The following ZNF705A variants were observed in gnomAD, a reference collection of about 807,000 sequenced individuals.
The protein encoded by ZNF705A is zinc finger protein 705A.
Under a neutral mutation model 16.6 loss-of-function variants are expected in ZNF705A, and 8 were observed. The ratio of observed to expected loss-of-function variants is 0.48; its 90% CI spans 0.28 to 0.87. The LOEUF (loss-of-function observed/expected upper bound fraction) is 0.87, where lower values mean the gene tolerates loss of function less well. Among genes scored for constraint, ZNF705A ranks in the 40% least tolerant of loss-of-function variants. The probability of loss-of-function intolerance (pLI) is 0.10; values close to 1 mark genes in which losing one functional copy is unlikely to be tolerated. For missense variants in ZNF705A, 233 were observed against 359.9 expected (o/e 0.65, Z 2.85); for synonymous variants, 73 against 117.3 (o/e 0.62, Z 2.44).
intron 1 of ZNF705A, 127 bp from the exon 3 acceptor site, chr12:8,174,199 A>C: frequency 6.4e-7 from 1 of 1,570,450 alleles, no homozygotes; most frequent in Non-Finnish European, 8.6e-7. Flanking sequence ...ACTGAGAATG[A>C]ACTGGCTGGA....
At chr12:8,169,108 T>A (rs928354960), upstream of ZNF705A, among the ~76,000 whole-genome samples, 17 of 152,378 alleles carry the variant, frequency 1.1e-4, no homozygotes, top group African/African-American at 2.6e-4. Flanking sequence ...AATTTAATTT[T>A]ATTTTATTGT....
intron 1 of ZNF705A, among the ~76,000 whole-genome samples, chr12:8,158,783 G>A (rs1266705069): frequency 2.0e-5 from 3 of 151,812 alleles, no homozygotes; most frequent in Admixed American, 1.3e-4. Context: ...TCCTTTCCCT[G>A]ACTACTTTTA....
chr12:8,170,196 C>CAAAAAAAAAAA (rs1188328005), upstream of ZNF705A, among the ~76,000 whole-genome samples: 46 of 126,536 alleles, frequency 3.6e-4, 3 homozygotes, highest in African/African-American at 1.7e-3. Flanking sequence ...CCCCCCCCCC[C>CAAAAAAAAAAA]AAAAAAAAAA....
rs1011665615 is a variant in ZNF705A at position 8,163,918 on chromosome 12, G to A, written c.-72+6826G>A. Among the ~76,000 whole-genome samples the A allele has an allele frequency of 5.3e-5, 8 of 151,894 alleles. No individual in the cohort carries two copies. The South Asian group carries it at 6.2e-4, about 12-fold the overall frequency. On this transcript the variant is annotated intron_variant, in intron 1 of 5. Transcript: ENST00000396570. ...AACCCCCTTCTTGTTTTTTTTAACC[G>A]ACTTTGTTGAGCTATGATGACATTT...
intron 1 of ZNF705A, among the ~76,000 whole-genome samples, chr12:8,165,450 A>ATTTTTT (rs57581482): frequency 1.2e-5 from 1 of 81,952 alleles, no homozygotes; most frequent in South Asian, 5.0e-4. Context: ...GCCCAGCTAA[A>ATTTTTT]TTTTTTTTTT....
upstream of ZNF705A, among the ~76,000 whole-genome samples, chr12:8,167,913 G>T (rs891726779): frequency 6.6e-6 from 1 of 152,204 alleles, no homozygotes; most frequent in African/African-American, 2.4e-5. Flanking sequence ...GATGCCTGAA[G>T]GTCCAAGAAA....
chr12:8,163,960 T>G (rs1042192963), intron 1 of ZNF705A, among the ~76,000 whole-genome samples: 5 of 152,314 alleles, frequency 3.3e-5, no homozygotes, highest in Non-Finnish European at 7.4e-5. Flanking sequence ...CTGTAATATT[T>G]AAGGTGTGCA....
intron 2 of ZNF705A, among the ~76,000 whole-genome samples, chr12:8,174,871 GA>G (rs1464247354): frequency 1.7e-5 from 2 of 114,846 alleles, no homozygotes; most frequent in Non-Finnish European, 4.3e-5. Flanking sequence ...TTTGTAAATC[GA>G]ATTTTTTTTT....
chr12:8,159,939 G>T (rs1201964864), intron 1 of ZNF705A, among the ~76,000 whole-genome samples: 11 of 152,080 alleles, frequency 7.2e-5, no homozygotes, highest in Non-Finnish European at 1.2e-4. Context: ...CTATTTTCTA[G>T]AATTTTTATG....
chr12:8,164,203 A>G (rs1215869395), intron 1 of ZNF705A, among the ~76,000 whole-genome samples: 2 of 152,196 alleles, frequency 1.3e-5, no homozygotes, highest in East Asian at 1.9e-4. Context: ...CTTACGTGGT[A>G]TATCTGAAAC....
intron 1 of ZNF705A, among the ~76,000 whole-genome samples, chr12:8,163,611 A>G (rs1007389518): frequency 3.3e-5 from 5 of 152,222 alleles, no homozygotes; most frequent in Admixed American, 1.3e-4. Context: ...CTCTATATGT[A>G]TATAAAATTA....
In ZNF705A at chr12:8,165,034, A is replaced by G. The variant is rs774660093; in HGVS notation, c.-71-7521A>G. Among the ~76,000 whole-genome samples, 5 of 152,272 alleles carry G rather than the reference A, an allele frequency of 3.3e-5. No homozygotes were observed. In the South Asian group the frequency reaches 8.3e-4, roughly 25 times the overall value. On this transcript the variant is annotated intron_variant, in intron 1 of 5. Coordinates refer to the ZNF705A transcript ENST00000396570. Reference sequence around the variant, plus strand: ...AAAAATTTTGAGAAACCTTCATACTATTATCTGAAATGGACATAGTAATTT... The same window carrying G: ...AAAAATTTTGAGAAACCTTCATACTGTTATCTGAAATGGACATAGTAATTT...
At chr12:8,159,814 G>T (rs1384513410) in intron 1 of ZNF705A, among the ~76,000 whole-genome samples, 1 of 152,150 alleles carries the variant, frequency 6.6e-6, no homozygotes, top group Non-Finnish European at 1.5e-5. Flanking sequence ...CCATGCAAAA[G>T]TTCTTTGGTT....
chr12:8,160,962 T>C (rs1378261160), intron 1 of ZNF705A, among the ~76,000 whole-genome samples: 1 of 152,190 alleles, frequency 6.6e-6, no homozygotes, highest in Non-Finnish European at 1.5e-5. Context: ...GGCTGTGGGT[T>C]TGTCATAGAT....
chr12:8,177,293 T>C, exon 5 of ZNF705A: 2 of 1,611,834 alleles, frequency 1.2e-6, no homozygotes, highest in Non-Finnish European at 1.7e-6. Context: ...ATGTCATCTA[T>C]GTGGAAAAGC....
intron 1 of ZNF705A, among the ~76,000 whole-genome samples, chr12:8,167,363 A>T (rs1183691539): frequency 6.6e-6 from 1 of 152,254 alleles, no homozygotes; most frequent in South Asian, 2.1e-4. Context: ...TCAAAAATCC[A>T]ATCAAACTGA....
At chr12:8,161,819 T>TA (rs1200747788) in intron 1 of ZNF705A, among the ~76,000 whole-genome samples, 1 of 152,082 alleles carries the variant, frequency 6.6e-6, no homozygotes, top group Non-Finnish European at 1.5e-5. Context: ...AGCCTTCCTA[T>TA]AAAAAATCCT....
chr12:8,172,554 G>A lies in ZNF705A; in HGVS notation c.-72G>A, dbSNP rs1301520617. 4.4e-6 allele frequency: 7 copies of A among 1,587,508 alleles called. No homozygotes were observed. The Admixed American group carries it at 5.0e-5, about 11-fold the overall frequency. On this transcript the variant is annotated 5_prime_UTR_variant, in exon 1 of 5. Coordinates refer to ENST00000359286, the Ensembl canonical transcript of ZNF705A. ...CTCACATGTTCTTTCTCCAACCTCA[G>A]CTTTTCTTAGTGCCTAAAGTGTCTG...
intron 1 of ZNF705A, among the ~76,000 whole-genome samples, chr12:8,161,113 T>G (rs967158850): frequency 6.6e-6 from 1 of 152,226 alleles, no homozygotes; most frequent in South Asian, 2.1e-4. Context: ...ATTCTGTTTA[T>G]GTGGTGTATC....
Sources: allele counts gnomAD v4.1 joint callset (sites outside exome capture counted in the v4.1 genomes callset), GRCh38; gene constraint gnomAD v4.1.1; transcripts MANE v1.5; gene names NCBI Gene and HGNC (gene_info 2026-07-23, HGNC 2026-07-21).